Variants in ZNF184 observed in about 807,000 individuals in gnomAD.
The protein encoded by ZNF184 is zinc finger protein 184 (Kruppel-like).
In ZNF184, 16 loss-of-function variants were observed where a neutral mutation model predicts 54.4. That is an observed-to-expected ratio of 0.29 (90% CI 0.20 to 0.45). The LOEUF (loss-of-function observed/expected upper bound fraction) is 0.45. Ranked by LOEUF, ZNF184 falls within the 20% of genes least tolerant of loss-of-function variation. The probability of loss-of-function intolerance (pLI) is 1.00; values close to 1 mark genes in which losing one functional copy is unlikely to be tolerated. For missense variants in ZNF184, 681 were observed against 888.2 expected, an observed-to-expected ratio of 0.77 and a Z score of 2.97; for synonymous variants, 254 against 295.3, an observed-to-expected ratio of 0.86 and a Z score of 1.43.
chr6:27,449,141 G>A (rs1762670869), downstream of ZNF184, among the ~76,000 whole-genome samples: 1 of 152,134 alleles, frequency 6.6e-6, no homozygotes, highest in South Asian at 2.1e-4. Context: ...TACTCAAGTG[G>A]TTTAATATCT....
chr6:27,452,872 T>G lies in ZNF184; in HGVS notation c.687A>C (p.Lys229Asn). The change falls in exon 6 of 6, where the codon AAA (lysine) becomes AAC (asparagine). Residue 229 changes from lysine (K) to asparagine (N), a missense_variant. Transcript: ENST00000683788. The surrounding 1 kb of genome is among the most constrained non-coding windows in gnomAD (Gnocchi z 5.5). ...TAAGAGCTGAACAATAACTAAAGGC[T>G]TTCCCACATTCATTGCACTTACAAG... ...EKSCKCNECG[K>N]AFSYCSALIR... 1 of 1,614,180 alleles carries G rather than the reference T, an allele frequency of 6.2e-7. No homozygotes were observed.
chr6:27,423,490 A>G, the ZNF184 span, among the ~76,000 whole-genome samples: 1 of 152,222 alleles, frequency 6.6e-6, no homozygotes, highest in East Asian at 1.9e-4. Context: ...CCACTAGATA[A>G]AGGTTTTCAC....
In ZNF184 at chr6:27,472,411, G is replaced by C; in HGVS notation, c.-117C>G. The C allele has an allele frequency of 1.5e-6, 2 of 1,341,262 alleles. No homozygotes were observed. The highest frequency in any genetic ancestry group is 1.1e-6 in the Non-Finnish European group (1 of 948,902). The allele number at this position is 1,341,262 out of a possible 1,614,324, so 83.1% of individuals were successfully genotyped here. On this transcript the variant is annotated 5_prime_UTR_variant, in exon 2 of 6. Coordinates refer to ENST00000683788, the MANE Select transcript of ZNF184 (RefSeq NM_001318891.2). This position sits in a 1 kb window ranked among gnomAD's most constrained non-coding sequence, Gnocchi z 4.8. Reference sequence around the variant, plus strand: ...GTCTAACTCCCCTTGCAGGGAATCTGCAACACGCTGAGGTTGTCTACCCTA... The same window carrying C: ...GTCTAACTCCCCTTGCAGGGAATCTCCAACACGCTGAGGTTGTCTACCCTA...
the ZNF184 span, among the ~76,000 whole-genome samples, chr6:27,441,535 A>ACTCTACCACTTTCTGAATGCTGC: frequency 0.048 from 7,294 of 152,098 alleles, 247 homozygotes; most frequent in Non-Finnish European, 0.072. Flanking sequence ...CTGAATGCTG[A>ACTCTACCACTTTCTGAATGCTGC]CTCTACCACT....
downstream of ZNF184, among the ~76,000 whole-genome samples, chr6:27,449,393 CTG>C (rs1199460584): frequency 2.6e-5 from 4 of 152,230 alleles, no homozygotes; most frequent in Non-Finnish European, 5.9e-5. Context: ...GGGAATCCCT[CTG>C]TTATTTTTCT....
In ZNF184 at chr6:27,453,594, A is replaced by G. The variant is rs1339339007; in HGVS notation, c.299-334T>C. 6.6e-6 allele frequency among the ~76,000 whole-genome samples: 1 copy of G among 152,238 alleles called. No homozygotes were observed. ...ACTGAATCTGAAGGGGGCAGTTTGA[A>G]TTGGGATTCCTTGCTAATAAACAAC... On this transcript the variant is annotated intron_variant, in intron 5 of 5. Transcript: ENST00000683788. The surrounding 1 kb of genome is among the most constrained non-coding windows in gnomAD (Gnocchi z 4.7).
Position 27,456,890 on chromosome 6 carries a change from G to A in ZNF184, c.234C>T (p.Ser78=). Residue 78 remains serine (S), a synonymous_variant, in exon 5 of 6, where the codon TCC becomes TCT. Transcript: ENST00000683788. ...ATGGCTCTGTCCCTTGCTCTAACTG[G>A]GAAATCACATCAGGTTTAGAAACTT... ...GLQVSKPDVI[S]QLEQGTEPWI... 6.2e-7 allele frequency: 1 copy of A among 1,614,068 alleles called. No individual in the cohort carries two copies. Among genetic ancestry groups the A allele is most frequent in the Non-Finnish European group, 8.5e-7 (1 of 1,180,000 alleles).
the ZNF184 span, among the ~76,000 whole-genome samples, chr6:27,445,045 A>G: frequency 1.3e-5 from 2 of 152,194 alleles, no homozygotes; most frequent in Non-Finnish European, 2.9e-5. Flanking sequence ...ACATTTGTCA[A>G]TGTCAACTAA....
chr6:27,434,880 C>G, the ZNF184 span, among the ~76,000 whole-genome samples: 1 of 152,094 alleles, frequency 6.6e-6, no homozygotes, highest in Admixed American at 6.6e-5. Context: ...TATGAACATG[C>G]AGTTTTCCCA....
chr6:27,459,561 A>G (rs1370127643), intron 3 of ZNF184, among the ~76,000 whole-genome samples: 1 of 152,170 alleles, frequency 6.6e-6, no homozygotes, highest in Non-Finnish European at 1.5e-5. Context: ...CATGTGTCCT[A>G]TGGTGGAAAC....
At chr6:27,442,289 C>G in the ZNF184 span, among the ~76,000 whole-genome samples, 1 of 152,028 alleles carries the variant, frequency 6.6e-6, no homozygotes, top group African/African-American at 2.4e-5. Flanking sequence ...ATGTATTTGC[C>G]GTACTTACCT....
chr6:27,439,389 C>G, the ZNF184 span, among the ~76,000 whole-genome samples: 1 of 152,170 alleles, frequency 6.6e-6, no homozygotes, highest in African/African-American at 2.4e-5. Context: ...TCATGCCATC[C>G]GGTTTCATCC....
At position 27,451,552 on chromosome 6, in the gene ZNF184, G is replaced by C. The variant is rs201301245; in HGVS notation, c.2007C>G (p.Pro669=). The part of the protein sequence containing the change: ...QHQRIHTGEK[P]YKCNECDKAF... ...CTTTGTCACATTCATTGCACTTATAGGGCTTCTCCCCAGTGTGAATTCGTT... is the reference window on the plus strand; with the variant it reads ...CTTTGTCACATTCATTGCACTTATACGGCTTCTCCCCAGTGTGAATTCGTT... Residue 669 remains proline, a synonymous_variant, in exon 6 of 6, where the codon CCC becomes CCG. Transcript: ENST00000683788. 18 of 1,614,012 alleles carry C rather than the reference G, an allele frequency of 1.1e-5. No homozygotes were observed. The East Asian group carries it at 3.6e-4, about 32-fold the overall frequency.
At chr6:27,415,262 G>C in the ZNF184 span, among the ~76,000 whole-genome samples, 14 of 151,982 alleles carry the variant, frequency 9.2e-5, 1 homozygote, top group Non-Finnish European at 1.5e-5. Flanking sequence ...CTTCTAATGA[G>C]TAATCGTTGC....
At chr6:27,456,990 C>A (rs1762872449) in intron 4 of ZNF184, 69 bp from the exon 5 acceptor site, 2 of 1,392,506 alleles carry the variant, frequency 1.4e-6, no homozygotes, top group Non-Finnish European at 2.0e-6. Context: ...ATTCAATCAC[C>A]ACTTTGTCTT....
chr6:27,457,277 C>A lies in ZNF184; in HGVS notation c.202+6G>T. The A allele has an allele frequency of 1.2e-6, 2 of 1,613,418 alleles. No individual in the cohort carries two copies. The highest frequency in any genetic ancestry group is 1.7e-6 in the Non-Finnish European group (2 of 1,179,664). On this transcript the variant is annotated splice_donor_region_variant and intron_variant, in intron 4 of 5. Transcript: ENST00000683788. ...CTTGATATTAACTCAGAGAAATTATCCTTACCTATAGAGACCAGGTGTGTA... is the reference window on the plus strand; with the variant it reads ...CTTGATATTAACTCAGAGAAATTATACTTACCTATAGAGACCAGGTGTGTA...
chr6:27,455,490 T>A (rs1376123096), intron 5 of ZNF184, among the ~76,000 whole-genome samples: 1 of 152,228 alleles, frequency 6.6e-6, no homozygotes. Flanking sequence ...ACTTGACAAC[T>A]TGCTTTTTCC....
rs1176664998 is a variant in ZNF184, at chr6:27,472,344, G to C, written c.-50C>G. ...GGAACTTGAACACCAGGGTTCGCCAGGCAGCGTTCCTTCAGCTGGTATCTC... is the reference window on the plus strand; with the variant it reads ...GGAACTTGAACACCAGGGTTCGCCACGCAGCGTTCCTTCAGCTGGTATCTC... On this transcript the variant is annotated 5_prime_UTR_variant, in exon 2 of 6. Transcript: ENST00000683788. The surrounding 1 kb of genome is among the most constrained non-coding windows in gnomAD (Gnocchi z 4.8). 1.2e-6 allele frequency: 2 copies of C among 1,613,634 alleles called. No individual in the cohort carries two copies. Among genetic ancestry groups the C allele is most frequent in the Non-Finnish European group, 1.7e-6 (2 of 1,179,808 alleles).
intron 2 of ZNF184, among the ~76,000 whole-genome samples, chr6:27,469,505 G>C (rs1195760455): frequency 1.3e-5 from 2 of 152,160 alleles, no homozygotes; most frequent in Non-Finnish European, 2.9e-5. Context: ...ACCAGGCGTG[G>C]TGGCGTGTGC....
Sources: gnomAD v4.1 joint callset for allele counts (sites outside exome capture counted in the v4.1 genomes callset) on GRCh38, gnomAD v4.1.1 for gene constraint, Gnocchi (gnomAD v3.1) non-coding constraint, MANE v1.5 for transcripts, NCBI Gene and HGNC (gene_info 2026-07-23, HGNC 2026-07-21) for gene names.